ELAVL4: variants seen among roughly 807,000 people sequenced by gnomAD.
ELAVL4 encodes the protein ELAV-like protein 4.
Under a neutral mutation model 35.6 loss-of-function variants are expected in ELAVL4, and 1 was observed. The observed-to-expected ratio is 0.03, with a 90% CI of 0.01 to 0.13. ELAVL4 has a LOEUF of 0.13. ELAVL4 is among the 10% of genes least tolerant of loss of function. The pLI, the probability that ELAVL4 is intolerant of heterozygous loss-of-function variation, is 1.00. For missense variants in ELAVL4, 267 were observed against 464.9 expected (o/e 0.57, Z 3.91); for synonymous variants, 156 against 171.0 (o/e 0.91, Z 0.69).
intron 1 of ELAVL4, among the ~76,000 whole-genome samples, chr1:50,110,355 C>G (rs1403138818): frequency 6.6e-6 from 1 of 152,000 alleles, no homozygotes. Flanking sequence ...CAGTCTCATG[C>G]TAGGAGTGAT....
chr1:50,177,219 T>A, intron 3 of ELAVL4, 27 bp downstream of exon 3: 13 of 1,531,314 alleles, frequency 8.5e-6, no homozygotes, highest in Non-Finnish European at 1.2e-5. Context: ...TGGCTCCTGA[T>A]TCAGGAGGCT....
chr1:50,200,830 C>G (rs375707512), intron 6 of ELAVL4, 21 bp from the exon 7 acceptor site: 8 of 1,607,242 alleles, frequency 5.0e-6, no homozygotes, highest in Non-Finnish European at 6.8e-6. Context: ...GACCAGTCCC[C>G]CCTTCTGCTT....
At chr1:50,089,609 G>A (rs772211830) in intron 1 of ELAVL4, among the ~76,000 whole-genome samples, 28 of 152,036 alleles carry the variant, frequency 1.8e-4, no homozygotes, top group Admixed American at 5.2e-4. Context: ...TTAAAAATTA[G>A]CCAGGCATGG....
At chr1:50,187,867 G>A (rs1168666554) in intron 3 of ELAVL4, among the ~76,000 whole-genome samples, 3 of 152,058 alleles carry the variant, frequency 2.0e-5, no homozygotes, top group South Asian at 2.1e-4. Flanking sequence ...AGGCTGAGAC[G>A]AGCAGATCAT....
At chr1:50,182,080 C>T (rs1477111761) in intron 3 of ELAVL4, among the ~76,000 whole-genome samples, 3 of 152,264 alleles carry the variant, frequency 2.0e-5, no homozygotes, top group African/African-American at 4.8e-5. Flanking sequence ...CTTGACCCCA[C>T]ACCTGATGCC....
chr1:50,132,297 T>A (rs981903643), intron 1 of ELAVL4, among the ~76,000 whole-genome samples: 3 of 152,186 alleles, frequency 2.0e-5, no homozygotes, highest in African/African-American at 4.8e-5. Flanking sequence ...TTTTGTCAGC[T>A]GCAGTTGGGA....
intron 1 of ELAVL4, among the ~76,000 whole-genome samples, chr1:50,090,060 G>A (rs1665422025): frequency 6.6e-6 from 1 of 152,154 alleles, no homozygotes; most frequent in African/African-American, 2.4e-5. Flanking sequence ...GTTGGGTGGA[G>A]GTTGTAAAAA....
chr1:50,160,513 T>G (rs2148755359), intron 2 of ELAVL4, among the ~76,000 whole-genome samples: 1 of 152,324 alleles, frequency 6.6e-6, no homozygotes, highest in Admixed American at 6.5e-5. Flanking sequence ...GTGAGCTTCA[T>G]GCCTGGCACT....
At chr1:50,156,029 A>ACG (rs1553180456) in intron 2 of ELAVL4, among the ~76,000 whole-genome samples, 2 of 142,438 alleles carry the variant, frequency 1.4e-5, no homozygotes, top group South Asian at 2.4e-4. Flanking sequence ...GTGCACAGGC[A>ACG]CGCACACACA....
intron 1 of ELAVL4, among the ~76,000 whole-genome samples, chr1:50,084,581 C>A (rs1006264334): frequency 6.6e-6 from 1 of 152,140 alleles, no homozygotes; most frequent in Non-Finnish European, 1.5e-5. Context: ...TCATCTCATA[C>A]CTGCCCCCTT....
At chr1:50,147,483 A>C (rs1450488191) in intron 2 of ELAVL4, among the ~76,000 whole-genome samples, 3 of 152,082 alleles carry the variant, frequency 2.0e-5, no homozygotes, top group Non-Finnish European at 4.4e-5. Context: ...AAGGAGGGAG[A>C]GATAGGGCTG....
chr1:50,071,787 C>T (rs1157833628), intron 1 of ELAVL4, among the ~76,000 whole-genome samples: 2 of 152,044 alleles, frequency 1.3e-5, no homozygotes, highest in African/African-American at 4.8e-5. Context: ...ATTTCAGTTT[C>T]CTTGGGTGTA....
chr1:50,082,597 T>G (rs1665057748), intron 1 of ELAVL4, among the ~76,000 whole-genome samples: 1 of 152,212 alleles, frequency 6.6e-6, no homozygotes, highest in African/African-American at 2.4e-5. Context: ...ATGGATAGAT[T>G]GCAAAAATTT....
rs35415471 is a variant in ELAVL4, at chr1:50,133,649, AAG to A, written c.10-11304_10-11303del. 1.9e-3 allele frequency among the ~76,000 whole-genome samples: 222 copies of A among 116,884 alleles called. 1 individual carries two copies. Among genetic ancestry groups the A allele is most frequent in the African/African-American group, 5.8e-3 (181 of 31,144 alleles). 76.7% of individuals were successfully genotyped at this position (116,884 alleles called of 152,430 possible). ...AAAGAAAGAAAGAAAGAAAGAAAGA[AAG>A]AGAAAGAAAGAAAGAAAGAAAGAAG... On this transcript the variant is annotated intron_variant, in intron 1 of 6. Coordinates refer to ENST00000371824, the MANE Select transcript of ELAVL4 (RefSeq NM_001144774.3).
chr1:50,159,039 C>CAA (rs57361277), intron 2 of ELAVL4, among the ~76,000 whole-genome samples: 67 of 74,880 alleles, frequency 8.9e-4, no homozygotes, highest in Non-Finnish European at 1.1e-3. Flanking sequence ...GACTCCTTCT[C>CAA]AAAAAAAAAA....
intron 1 of ELAVL4, among the ~76,000 whole-genome samples, chr1:50,062,440 G>A (rs1222985638): frequency 6.6e-6 from 1 of 151,968 alleles, no homozygotes; most frequent in Non-Finnish European, 1.5e-5. Flanking sequence ...ATTGAGTTGG[G>A]CATGACTATT....
chr1:50,203,756 A>C lies in ELAVL4; in HGVS notation c.*2578A>C. 6.6e-6 allele frequency: 1 copy of C among 152,162 alleles called. No homozygotes were observed. 9.4% of individuals were successfully genotyped at this position (152,162 alleles called of 1,614,324 possible). A position where few individuals can be genotyped will look rare whatever the true frequency, so the allele number is the denominator to read the frequency against. On this transcript the variant is annotated 3_prime_UTR_variant, in exon 7 of 7. Coordinates refer to ENST00000371824, the MANE Select transcript of ELAVL4 (RefSeq NM_001144774.3). ...ACTTTATCTGTCCAGACAATAAATG[A>C]AAGTGTGTAGAATGGATTTGACTTC...
chr1:50,147,001 A>G (rs1315350326), intron 2 of ELAVL4, among the ~76,000 whole-genome samples: 1 of 152,062 alleles, frequency 6.6e-6, no homozygotes. Flanking sequence ...TTTGAATAGG[A>G]GTGACAGCTT....
At chr1:50,133,599 A>AAAAGAAAGAAAGAAAAGAAAGAAAG in intron 1 of ELAVL4, among the ~76,000 whole-genome samples, 1 of 129,264 alleles carries the variant, frequency 7.7e-6, no homozygotes, top group South Asian at 2.7e-4. Flanking sequence ...AGAAAGAAAG[A>AAAAGAAAGAAAGAAAAGAAAGAAAG]AAAGAAAGAA....
Sources: allele counts gnomAD v4.1 joint callset (sites outside exome capture counted in the v4.1 genomes callset), GRCh38; gene constraint gnomAD v4.1.1; transcripts MANE v1.5; gene names NCBI Gene and HGNC (gene_info 2026-07-23, HGNC 2026-07-21).